The following SUGCT variants were observed in gnomAD, a reference collection of about 807,000 sequenced individuals.
The protein encoded by SUGCT is succinyl-CoA:glutarate-CoA transferase, also known as succinyl-CoA:glutarate CoA-transferase.
Under a neutral mutation model 55.0 loss-of-function variants are expected in SUGCT, and 41 were observed. The ratio of observed to expected loss-of-function variants is 0.74; its 90% confidence interval spans 0.58 to 0.97. The LOEUF (loss-of-function observed/expected upper bound fraction) is 0.97, where lower values mean the gene tolerates loss of function less well. Among genes scored for constraint, SUGCT ranks in the 50% least tolerant of loss-of-function variants. The probability of loss-of-function intolerance (pLI) is 0.00; values close to 1 mark genes in which losing one functional copy is unlikely to be tolerated. For synonymous variants in SUGCT, 187 were observed against 200.4 expected, an observed-to-expected ratio of 0.93 and a Z score of 0.56; for missense variants, 568 against 547.8, an observed-to-expected ratio of 1.04 and a Z score of -0.37.
At chr7:40,581,614 A>G (rs1453351720) in intron 12 of SUGCT, among the ~76,000 whole-genome samples, 1 of 152,220 alleles carries the variant, frequency 6.6e-6, no homozygotes, top group Non-Finnish European at 1.5e-5. Context: ...TTTGTCATGC[A>G]TATTTAACAC....
intron 12 of SUGCT, among the ~76,000 whole-genome samples, chr7:40,660,765 C>T (rs1451157711): frequency 6.6e-6 from 1 of 152,164 alleles, no homozygotes; most frequent in Non-Finnish European, 1.5e-5. Context: ...TCTCTGACTT[C>T]CTCTGTTTAC....
chr7:40,836,542 T>A (rs1792985901), intron 13 of SUGCT, among the ~76,000 whole-genome samples: 1 of 152,200 alleles, frequency 6.6e-6, no homozygotes, highest in Non-Finnish European at 1.5e-5. Context: ...ATACCCGTGA[T>A]CAATGTATAG....
chr7:40,898,480 C>CGGGGGGGGGGG, the SUGCT span, among the ~76,000 whole-genome samples: 14 of 5,718 alleles, frequency 2.4e-3, 4 homozygotes, highest in Non-Finnish European at 4.9e-3. Context: ...TCCGGGAGGT[C>CGGGGGGGGGGG]GGGGGGGGGG....
chr7:40,189,630 A>G (rs1785775518), intron 5 of SUGCT, 36 bp downstream of exon 5: 2 of 1,224,788 alleles, frequency 1.6e-6, no homozygotes, highest in East Asian at 2.9e-5. Context: ...CCTACCACCT[A>G]GGTTATAATT....
intron 12 of SUGCT, among the ~76,000 whole-genome samples, chr7:40,603,391 T>C (rs1244246459): frequency 1.3e-5 from 2 of 152,198 alleles, no homozygotes; most frequent in Non-Finnish European, 2.9e-5. Context: ...TTTGAAGTAG[T>C]CTCTGAATTT....
intron 9 of SUGCT, among the ~76,000 whole-genome samples, chr7:40,367,172 A>G (rs890407893): frequency 4.0e-5 from 6 of 150,566 alleles, no homozygotes; most frequent in African/African-American, 1.2e-4. Flanking sequence ...AGGACAAAAA[A>G]CCAAACATCG....
chr7:40,794,774 AT>A (rs530681768), intron 13 of SUGCT, among the ~76,000 whole-genome samples: 1 of 151,976 alleles, frequency 6.6e-6, no homozygotes, highest in Non-Finnish European at 1.5e-5. Context: ...GTATCCTAAC[AT>A]TTTTTTAATG....
At chr7:40,729,624 G>A (rs184806003) in intron 12 of SUGCT, among the ~76,000 whole-genome samples, 178 of 152,292 alleles carry the variant, frequency 1.2e-3, no homozygotes, top group African/African-American at 4.1e-3. Context: ...GATGAGAAAA[G>A]TAGTCCAGGG....
At chr7:40,712,197 A>G (rs764943717) in intron 12 of SUGCT, among the ~76,000 whole-genome samples, 2 of 152,230 alleles carry the variant, frequency 1.3e-5, no homozygotes, top group African/African-American at 4.8e-5. Context: ...ATTTGTATGG[A>G]TTACTAAACA....
At chr7:40,757,571 A>G (rs1204686837) in intron 13 of SUGCT, among the ~76,000 whole-genome samples, 2 of 152,194 alleles carry the variant, frequency 1.3e-5, no homozygotes, top group African/African-American at 2.4e-5. Flanking sequence ...AGTTTTCACT[A>G]CTAGGAAGTG....
At chr7:40,851,908 T>C (rs1793872299) in intron 13 of SUGCT, among the ~76,000 whole-genome samples, 1 of 152,208 alleles carries the variant, frequency 6.6e-6, no homozygotes, top group Non-Finnish European at 1.5e-5. Context: ...AAAAGGCACA[T>C]AAACAACTTA....
chr7:40,693,575 A>G (rs555081459), intron 12 of SUGCT, among the ~76,000 whole-genome samples: 2 of 152,324 alleles, frequency 1.3e-5, no homozygotes, highest in South Asian at 4.1e-4. Context: ...GGCTTCAGAG[A>G]TAACACTATT....
At chr7:40,326,817 C>T (rs1796048116) in intron 9 of SUGCT, among the ~76,000 whole-genome samples, 1 of 152,022 alleles carries the variant, frequency 6.6e-6, no homozygotes, top group African/African-American at 2.4e-5. Context: ...CTGAGAAGCC[C>T]ACAAGATGGG....
the SUGCT span, among the ~76,000 whole-genome samples, chr7:40,955,558 A>G: frequency 6.6e-6 from 1 of 152,198 alleles, no homozygotes; most frequent in Non-Finnish European, 1.5e-5. Context: ...TTTTCTAAAT[A>G]TACAATCATG....
At chr7:40,216,125 T>A (rs920050773) in intron 6 of SUGCT, among the ~76,000 whole-genome samples, 3 of 151,286 alleles carry the variant, frequency 2.0e-5, no homozygotes, top group Non-Finnish European at 4.4e-5. Flanking sequence ...TTTTTTTTTT[T>A]AACTTGTTTT....
intron 12 of SUGCT, among the ~76,000 whole-genome samples, chr7:40,585,742 T>C (rs28657711): frequency 0.23 from 35,497 of 152,004 alleles, 7,621 homozygotes; most frequent in African/African-American, 0.57. Flanking sequence ...TGTATTGGTG[T>C]GATTATATCT....
intron 8 of SUGCT, among the ~76,000 whole-genome samples, chr7:40,275,983 A>G (rs1042734046): frequency 6.6e-6 from 1 of 152,228 alleles, no homozygotes; most frequent in Non-Finnish European, 1.5e-5. Context: ...CTTTCTAGAC[A>G]TAGAGACCCC....
intron 12 of SUGCT, among the ~76,000 whole-genome samples, chr7:40,601,644 G>C (rs1379025302): frequency 6.6e-6 from 1 of 152,088 alleles, no homozygotes; most frequent in Non-Finnish European, 1.5e-5. Flanking sequence ...TCTAAGACAA[G>C]CTTGTCCAAC....
chr7:40,650,772 G>C (rs116807425), intron 12 of SUGCT, among the ~76,000 whole-genome samples: 1 of 152,192 alleles, frequency 6.6e-6, no homozygotes, highest in African/African-American at 2.4e-5. Context: ...TGTTGCACAG[G>C]TAAATGTGTG....
Sources: allele counts gnomAD v4.1 joint callset (sites outside exome capture counted in the v4.1 genomes callset), GRCh38; gene constraint gnomAD v4.1.1; transcripts MANE v1.5; gene names NCBI Gene and HGNC (gene_info 2026-07-23, HGNC 2026-07-21).